ZC3H12B: variants seen among roughly 807,000 people sequenced by gnomAD.
ZC3H12B encodes probable ribonuclease ZC3H12B.
In ZC3H12B, 7 loss-of-function variants were observed where a neutral mutation model predicts 43.9. The observed-to-expected ratio is 0.16, with a 90% CI of 0.09 to 0.30. ZC3H12B has a LOEUF of 0.30. Among genes scored for constraint, ZC3H12B ranks in the 10% least tolerant of loss-of-function variants. ZC3H12B has a pLI of 1.00. For missense variants in ZC3H12B, 475 were observed against 670.2 expected, an observed-to-expected ratio of 0.71 and a Z score of 3.22; for synonymous variants, 222 against 241.7, an observed-to-expected ratio of 0.92 and a Z score of 0.76.
the ZC3H12B span, among the ~76,000 whole-genome samples, chrX:65,184,243 A>AT: frequency 3.1e-3 from 347 of 110,928 alleles, 2 homozygotes; most frequent in Non-Finnish European, 4.7e-3. Flanking sequence ...CATGTCTTAT[A>AT]TTTTTTTTGT....
At chrX:65,294,060 C>A in the ZC3H12B span, among the ~76,000 whole-genome samples, 1 of 111,358 alleles carries the variant, frequency 9.0e-6, no homozygotes, top group African/African-American at 3.3e-5. Context: ...TCATGAGATT[C>A]TCTAAAGTCA....
chrX:65,430,202 G>A (rs745937152), intron 3 of ZC3H12B, among the ~76,000 whole-genome samples: 24 of 111,584 alleles, frequency 2.2e-4, no homozygotes, highest in African/African-American at 7.8e-4. Context: ...CAGCTGCTCT[G>A]CCAAGAGTCC....
At chrX:65,395,597 T>C (rs2066685839) in intron 2 of ZC3H12B, among the ~76,000 whole-genome samples, 2 of 112,388 alleles carry the variant, frequency 1.8e-5, no homozygotes, top group Admixed American at 9.4e-5. Context: ...CAGAATTTTA[T>C]TGAGAATTTT....
intron 2 of ZC3H12B, among the ~76,000 whole-genome samples, chrX:65,387,091 G>T (rs1023324809): frequency 4.5e-5 from 5 of 111,928 alleles, no homozygotes; most frequent in African/African-American, 1.6e-4. Context: ...TGGAATAAGT[G>T]CAGTGTGGTG....
the ZC3H12B span, among the ~76,000 whole-genome samples, chrX:65,199,950 C>T: frequency 9.0e-6 from 1 of 110,642 alleles, no homozygotes; most frequent in African/African-American, 3.3e-5. Context: ...ATTTATATTT[C>T]TCTGGGTATA....
chrX:65,100,211 A>G, the ZC3H12B span, among the ~76,000 whole-genome samples: 2 of 111,185 alleles, frequency 1.8e-5, no homozygotes, highest in Non-Finnish European at 3.8e-5. Context: ...GAATGAACAA[A>G]GCCTCCAAGA....
chrX:65,150,973 T>C, the ZC3H12B span, among the ~76,000 whole-genome samples: 571 of 112,050 alleles, frequency 5.1e-3, 2 homozygotes, highest in South Asian at 0.014. Flanking sequence ...TTCTGATCTC[T>C]CTGGAGGACA....
At chrX:65,043,366 G>A in the ZC3H12B span, among the ~76,000 whole-genome samples, 1 of 110,838 alleles carries the variant, frequency 9.0e-6, no homozygotes, top group African/African-American at 3.3e-5. Context: ...ATGAACATTA[G>A]AGATCATATT....
chrX:65,079,502 C>T, the ZC3H12B span, among the ~76,000 whole-genome samples: 15 of 112,419 alleles, frequency 1.3e-4, no homozygotes, highest in Non-Finnish European at 1.1e-4. Flanking sequence ...TGTCACTCTA[C>T]CCCCACCTAT....
the ZC3H12B span, among the ~76,000 whole-genome samples, chrX:65,189,455 C>A: frequency 9.6e-6 from 1 of 104,179 alleles, no homozygotes; most frequent in East Asian, 3.0e-4. Context: ...CTCTCCAGCA[C>A]CTGTTGTTTC....
At chrX:65,292,392 C>A in the ZC3H12B span, among the ~76,000 whole-genome samples, 1 of 111,413 alleles carries the variant, frequency 9.0e-6, no homozygotes, top group Non-Finnish European at 1.9e-5. Context: ...AAACCAAATA[C>A]GGCATGTTCT....
At chrX:65,233,407 C>G in the ZC3H12B span, among the ~76,000 whole-genome samples, 3 of 110,404 alleles carry the variant, frequency 2.7e-5, no homozygotes, top group African/African-American at 9.9e-5. Flanking sequence ...TCTTTTGTGA[C>G]TACAATGGAA....
the ZC3H12B span, among the ~76,000 whole-genome samples, chrX:65,275,170 A>T: frequency 2.7e-5 from 3 of 112,849 alleles, no homozygotes; most frequent in African/African-American, 9.6e-5. Flanking sequence ...CAACTGTGTC[A>T]TGGGTCTGAG....
chrX:65,056,334 C>T, the ZC3H12B span, among the ~76,000 whole-genome samples: 583 of 111,760 alleles, frequency 5.2e-3, 2 homozygotes, highest in African/African-American at 0.017. Flanking sequence ...TTTCTGCCTT[C>T]ATTTCCTTAT....
the ZC3H12B span, among the ~76,000 whole-genome samples, chrX:65,252,694 T>C: frequency 1.8e-5 from 2 of 111,863 alleles, no homozygotes; most frequent in African/African-American, 6.5e-5. Context: ...AAATTGGCCA[T>C]TTACATTGAT....
At chrX:65,173,986 G>A in the ZC3H12B span, among the ~76,000 whole-genome samples, 3 of 111,393 alleles carry the variant, frequency 2.7e-5, no homozygotes, top group East Asian at 8.5e-4. Context: ...TTTTCTTCTA[G>A]CTGTCAGGCC....
chrX:65,241,708 G>C, the ZC3H12B span, among the ~76,000 whole-genome samples: 2 of 112,636 alleles, frequency 1.8e-5, no homozygotes, highest in South Asian at 7.3e-4. Flanking sequence ...AGGAATGGCA[G>C]CCGCCCTTCT....
chrX:65,408,172 A>T (rs2066859626), intron 3 of ZC3H12B: 7 of 1,202,709 alleles, frequency 5.8e-6, no homozygotes, highest in Non-Finnish European at 6.7e-6. Flanking sequence ...ACCGGATTAA[A>T]GAGGAATTCC....
chrX:65,420,315 G>A (rs1255426843), intron 3 of ZC3H12B, among the ~76,000 whole-genome samples: 4 of 111,012 alleles, frequency 3.6e-5, no homozygotes, highest in Non-Finnish European at 7.6e-5. Context: ...GGGACCCAAA[G>A]CAACGCCAGC....
Sources: allele counts gnomAD v4.1 joint callset (sites outside exome capture counted in the v4.1 genomes callset), GRCh38; gene constraint gnomAD v4.1.1; transcripts MANE v1.5; gene names NCBI Gene and HGNC (gene_info 2026-07-23, HGNC 2026-07-21).